The following GALNT9 variants were observed in gnomAD, a reference collection of about 807,000 sequenced individuals.
The protein encoded by GALNT9 is polypeptide N-acetylgalactosaminyltransferase 9.
GALNT9 carries 47 observed loss-of-function variants against 63.1 expected under a neutral mutation model. The observed-to-expected ratio is 0.75, with a 90% CI of 0.59 to 0.95. The LOEUF (loss-of-function observed/expected upper bound fraction) is 0.95. Among genes scored for constraint, GALNT9 ranks in the 40% least tolerant of loss-of-function variants. The pLI is 0.00. For synonymous variants in GALNT9, 396 were observed against 365.7 expected (o/e 1.08, Z -0.94); for missense variants, 829 against 874.8 (o/e 0.95, Z 0.66).
At chr12:132,304,435 G>A (rs1190237979) in intron 1 of GALNT9, among the ~76,000 whole-genome samples, 3,874 of 19,604 alleles carry the variant, frequency 0.2, 536 homozygotes, top group East Asian at 0.33. Context: ...GCACAGCCTC[G>A]CCCGGGCACA....
At chr12:132,275,108 ACAGGGCT>A (rs1201787013) in intron 2 of GALNT9, 3 of 152,440 alleles carry the variant, frequency 2.0e-5, no homozygotes, top group African/African-American at 7.2e-5. Context: ...ATGACGTGTG[ACAGGGCT>A]CAGCCCCTCC....
chr12:132,278,146 G>A (rs557189131), intron 2 of GALNT9: 1 of 152,244 alleles, frequency 6.6e-6, no homozygotes, highest in African/African-American at 2.4e-5. Flanking sequence ...GAGGCCCCCG[G>A]GGGCTGGGAG....
At position 132,203,573 on chromosome 12, in the gene GALNT9, G is replaced by C. The variant is rs758686830; in HGVS notation, c.1195C>G (p.Arg399Gly). ...IDYYAKRNAL[R>G]AAEVWMDDFK... is the part of the protein sequence containing the mutation. ...TCATCCATCCACACCTCGGCGGCGC[G>C]CAGGGCGTTGCGCTTGGCATAGTAG... The change falls in exon 7 of 11, where the codon CGC becomes GGC. Residue 399 changes from arginine (R) to glycine (G), a missense_variant. By Grantham distance (125) the Arg-to-Gly change is moderately radical (BLOSUM62 -2). Transcript: ENST00000328957. 9.3e-6 allele frequency: 15 copies of C among 1,613,900 alleles called. No homozygotes were observed. The highest frequency in any genetic ancestry group is 1.1e-5 in the Non-Finnish European group (13 of 1,179,804).
Position 132,257,877 on chromosome 12 carries a change from G to T in GALNT9, c.771C>A (p.Pro257=), listed in dbSNP as rs782387305. Residue 257 remains proline, a synonymous_variant, in exon 5 of 11, where the codon CCC becomes CCA. Transcript: ENST00000328957. ...GGTCCTCTCGGATCCGCGACAGTGC[G>T]GGCTCGGCCCTGCGGAGGCACAGCT... ...HVEFNTGWAE[P]ALSRIREDRR... The T allele has an allele frequency of 6.5e-7, 1 of 1,541,026 alleles. No homozygotes were observed.
chr12:132,240,788 A>G (rs1393527419), intron 6 of GALNT9: 1 of 449,492 alleles, frequency 2.2e-6, no homozygotes, highest in African/African-American at 2.0e-5. Flanking sequence ...TGATCTATAC[A>G]TGTTTACACA....
At chr12:132,323,507 G>C (rs1447509684) in intron 1 of GALNT9, among the ~76,000 whole-genome samples, 1 of 152,254 alleles carries the variant, frequency 6.6e-6, no homozygotes, top group Non-Finnish European at 1.5e-5. Context: ...GCTCTGAGTG[G>C]TCAGATGGGG....
intron 6 of GALNT9, among the ~76,000 whole-genome samples, chr12:132,240,969 C>G (rs1555236995): frequency 7.1e-6 from 1 of 140,864 alleles, no homozygotes; most frequent in Non-Finnish European, 1.5e-5. Flanking sequence ...CTCCCTATAC[C>G]CATTACACAC....
At position 132,236,703 on chromosome 12, in the gene GALNT9, G is replaced by A. The variant is rs2136894946; in HGVS notation, c.1077+11207C>T. ...CCAGCCTCGCAAGGTGTAAGGTTTC[G>A]GGGCATCAAGCCTGGCCTCGGCCAG... On this transcript the variant is annotated intron_variant, in intron 6 of 10. Transcript: ENST00000328957. This position sits in a 1 kb window ranked among gnomAD's most constrained non-coding sequence, Gnocchi z 5.6. 2.0e-5 allele frequency among the ~76,000 whole-genome samples: 3 copies of A among 152,300 alleles called. No homozygotes were observed. The highest frequency in any genetic ancestry group is 2.1e-4 in the South Asian group (1 of 4,832).
chr12:132,201,180 G>A lies in GALNT9; in HGVS notation c.1345C>T (p.Leu449=). ...RLKCRSFKWY[L]ENVYPEMRVY... The stretch of plus-strand genomic sequence containing the variant: ...CTCATCTCCGGGTACACGTTCTCCA[G>A]GTACCACTTGAAGCTGCGACACTTC... Residue 449 remains leucine (L), a synonymous_variant, in exon 8 of 11, where the codon CTG becomes TTG. Coordinates refer to ENST00000328957, the MANE Select transcript of GALNT9 (RefSeq NM_001122636.2). The A allele has an allele frequency of 1.2e-6, 2 of 1,613,054 alleles. No homozygotes were observed. Among genetic ancestry groups the A allele is most frequent in the South Asian group, 1.1e-5 (1 of 90,920 alleles).
At chr12:132,290,459 G>A (rs1398493953) in intron 1 of GALNT9, among the ~76,000 whole-genome samples, 1 of 152,144 alleles carries the variant, frequency 6.6e-6, no homozygotes, top group Non-Finnish European at 1.5e-5. Context: ...TCTCTGTGCT[G>A]TCCTCTGCCC....
chr12:132,208,151 T>C (rs1031765113), intron 6 of GALNT9, among the ~76,000 whole-genome samples: 2 of 152,198 alleles, frequency 1.3e-5, no homozygotes, highest in African/African-American at 4.8e-5. Flanking sequence ...CCTCTATAAA[T>C]TTCAGATGAA....
chr12:132,288,823 G>A lies in GALNT9; in HGVS notation c.239-2393C>T, dbSNP rs547785553. 1.6e-3 allele frequency among the ~76,000 whole-genome samples: 230 copies of A among 147,854 alleles called. 1 individual carries two copies. Among genetic ancestry groups the A allele is most frequent in the African/African-American group, 5.1e-3 (201 of 39,404 alleles). On this transcript the variant is annotated intron_variant, in intron 1 of 10. Coordinates refer to ENST00000328957, the MANE Select transcript of GALNT9 (RefSeq NM_001122636.2). ...GGAACCGGCAGGAGGGTGGCTGAGC[G>A]TGGTTTCGGACGGCTGCCCGATGCC...
chr12:132,301,060 C>G (rs376328369), intron 1 of GALNT9, among the ~76,000 whole-genome samples: 1 of 152,250 alleles, frequency 6.6e-6, no homozygotes, highest in Non-Finnish European at 1.5e-5. Context: ...GGGTTCCCTC[C>G]GAGCCAGCTG....
Position 132,257,825 on chromosome 12 carries a change from C to T in GALNT9, c.823G>A (p.Asp275Asn), listed in dbSNP as rs782577512. The T allele has an allele frequency of 9.7e-6, 15 of 1,550,138 alleles. No individual in the cohort carries two copies. Among genetic ancestry groups the T allele is most frequent in the South Asian group, 4.8e-5 (4 of 84,050 alleles). Residue 275 changes from aspartate to asparagine, a missense_variant, in exon 5 of 11, where the codon GAC (aspartate) becomes AAC (asparagine). Coordinates refer to ENST00000328957, the MANE Select transcript of GALNT9 (RefSeq NM_001122636.2). Reference protein sequence around the residue: ...DRRRIVLPAIDNIKYSTFEVQ... With the variant: ...DRRRIVLPAINNIKYSTFEVQ... ...TCAAACGTGCTGTACTTGATGTTGTCGATGGCTGGCAGCACGATGCGACGC... is the reference window on the plus strand; with the variant it reads ...TCAAACGTGCTGTACTTGATGTTGTTGATGGCTGGCAGCACGATGCGACGC...
At chr12:132,305,379 A>G (rs1282847783) in intron 1 of GALNT9, among the ~76,000 whole-genome samples, 4 of 33,092 alleles carry the variant, frequency 1.2e-4, no homozygotes, top group Admixed American at 3.5e-4. Context: ...GCACACCCTC[A>G]CCCGGGCACA....
chr12:132,288,445 G>T (rs1880685929), intron 1 of GALNT9, among the ~76,000 whole-genome samples: 1 of 152,216 alleles, frequency 6.6e-6, no homozygotes, highest in African/African-American at 2.4e-5. Context: ...TATCGATACT[G>T]CACTTGCATT....
chr12:132,268,853 G>T (rs1369835829), intron 2 of GALNT9, among the ~76,000 whole-genome samples: 2 of 152,206 alleles, frequency 1.3e-5, no homozygotes, highest in Non-Finnish European at 1.5e-5. Context: ...TACCGGAAAG[G>T]CTGACGTGCA....
At chr12:132,198,394 C>CACT (rs1470061162) in intron 9 of GALNT9, among the ~76,000 whole-genome samples, 1 of 151,272 alleles carries the variant, frequency 6.6e-6, no homozygotes, top group Non-Finnish European at 1.5e-5. Flanking sequence ...CCTGGACCTT[C>CACT]ACTACGGCCA....
intron 1 of GALNT9, among the ~76,000 whole-genome samples, chr12:132,307,817 G>A (rs1555244780): frequency 6.6e-6 from 1 of 152,130 alleles, no homozygotes; most frequent in African/African-American, 2.4e-5. Flanking sequence ...CTGGGCGACA[G>A]AGTGAGACTC....
Sources: allele counts gnomAD v4.1 joint callset (sites outside exome capture counted in the v4.1 genomes callset), GRCh38; gene constraint gnomAD v4.1.1; non-coding constraint Gnocchi (gnomAD v3.1); transcripts MANE v1.5; gene names NCBI Gene and HGNC (gene_info 2026-07-23, HGNC 2026-07-21).